Variants in MYCBP2 observed in about 807,000 individuals in gnomAD.
The protein encoded by MYCBP2 is E3 ubiquitin-protein ligase MYCBP2.
MYCBP2 carries 120 observed loss-of-function variants against 525.3 expected under a neutral mutation model. The observed-to-expected ratio is 0.23, with a 90% CI of 0.20 to 0.27. MYCBP2 has a LOEUF of 0.27. Among genes scored for constraint, MYCBP2 ranks in the 10% least tolerant of loss-of-function variants. The pLI is 1.00. For missense variants in MYCBP2, 4,149 were observed against 5,657.1 expected (o/e 0.73, Z 8.55); for synonymous variants, 1,894 against 1,955.8 (o/e 0.97, Z 0.83).
In MYCBP2 at chr13:77,181,554, C is replaced by T. The variant is rs2060221005; in HGVS notation, c.4941+147G>A. On this transcript the variant is annotated intron_variant, in intron 33 of 82. Transcript: ENST00000544440. ...TTAAAATAATCATTTTGTAAATATA[C>T]TTAAAAATAGAGAAGAATAAGCACC... 8.3e-6 allele frequency: 4 copies of T among 481,592 alleles called. No homozygotes were observed. In the South Asian group the frequency reaches 1.6e-4, roughly 19 times the overall value. The allele number at this position is 481,592 out of a possible 1,614,324, so 29.8% of individuals were successfully genotyped here.
intron 80 of MYCBP2, among the ~76,000 whole-genome samples, chr13:77,052,334 G>C (rs1223228222): frequency 6.6e-6 from 1 of 152,120 alleles, no homozygotes; most frequent in Non-Finnish European, 1.5e-5. Flanking sequence ...GAGTGGCTAG[G>C]ATCATAGGTG....
At chr13:77,122,297 A>G (rs2050854782) in intron 54 of MYCBP2, among the ~76,000 whole-genome samples, 1 of 152,202 alleles carries the variant, frequency 6.6e-6, no homozygotes, top group South Asian at 2.1e-4. Flanking sequence ...TGGGGGGAAA[A>G]GGTATTTATT....
At chr13:77,165,533 G>A (rs576183330) in intron 41 of MYCBP2, 142 bp from the exon 42 acceptor site, 13 of 601,128 alleles carry the variant, frequency 2.2e-5, no homozygotes, top group Admixed American at 7.0e-5. Context: ...ATAGACTTGC[G>A]GCGGGGAGCG....
chr13:77,200,024 G>T (rs944923703), intron 26 of MYCBP2, among the ~76,000 whole-genome samples: 3 of 152,198 alleles, frequency 2.0e-5, no homozygotes, highest in African/African-American at 7.2e-5. Context: ...CACCAGCAAC[G>T]GAACAAAGCT....
intron 55 of MYCBP2, among the ~76,000 whole-genome samples, chr13:77,119,414 C>T (rs912647414): frequency 5.3e-5 from 8 of 151,828 alleles, no homozygotes; most frequent in South Asian, 2.1e-4. Flanking sequence ...AGTACCTACA[C>T]GGGATAGATT....
Position 77,189,581 on chromosome 13 carries a change from A to AT in MYCBP2, c.4155-535dup, listed in dbSNP as rs1420288432. Among the ~76,000 whole-genome samples the AT allele has an allele frequency of 2.6e-5, 4 of 152,120 alleles. No homozygotes were observed. In the East Asian group the frequency reaches 7.7e-4, roughly 29 times the overall value. On this transcript the variant is annotated intron_variant, in intron 29 of 82. Transcript: ENST00000544440. Reference sequence around the variant, plus strand: ...TCACAGTTCTAGACCATTTCCTTTGATTTTTTACTGCTTAACGAATGACAA... The same window carrying AT: ...TCACAGTTCTAGACCATTTCCTTTGATTTTTTTACTGCTTAACGAATGACAA...
chr13:77,199,646 G>A (rs1157593686), intron 26 of MYCBP2, among the ~76,000 whole-genome samples: 2 of 152,220 alleles, frequency 1.3e-5, no homozygotes, highest in East Asian at 1.9e-4. Context: ...GTCCCTGTCT[G>A]ACAGCTTTGA....
At chr13:77,149,112 T>G (rs1025860483) in intron 47 of MYCBP2, among the ~76,000 whole-genome samples, 11 of 152,142 alleles carry the variant, frequency 7.2e-5, no homozygotes, top group African/African-American at 2.4e-4. Flanking sequence ...TTCACTCAAT[T>G]CCATTTCCTC....
In MYCBP2 at chr13:77,059,575, C is replaced by A; in HGVS notation, c.13088G>T (p.Ser4363Ile). The A allele has an allele frequency of 6.2e-7, 1 of 1,614,106 alleles. No homozygotes were observed. Among genetic ancestry groups the A allele is most frequent in the Non-Finnish European group, 8.5e-7 (1 of 1,179,990 alleles). Residue 4363 changes from serine (S) to isoleucine (I), a missense_variant, in exon 77 of 83, where the codon AGT (serine) becomes ATT (isoleucine). Coordinates refer to ENST00000544440, the MANE Select transcript of MYCBP2 (RefSeq NM_015057.5). ...SEACRFCGSR[S>I]GTELSAVGSV... ...GCCAACAGCAGATAACTCTGTTCCA[C>A]TCCTGGAACCACAGAAGCGACATGC...
chr13:77,241,433 C>T (rs1219706002), intron 17 of MYCBP2, among the ~76,000 whole-genome samples: 1 of 151,910 alleles, frequency 6.6e-6, no homozygotes, highest in Non-Finnish European at 1.5e-5. Context: ...TCATTCATGT[C>T]GCTCAACCTA....
At chr13:77,252,820 T>C (rs1337120965) in intron 14 of MYCBP2, among the ~76,000 whole-genome samples, 1 of 152,132 alleles carries the variant, frequency 6.6e-6, no homozygotes, top group Non-Finnish European at 1.5e-5. Flanking sequence ...GAAGCCTCAG[T>C]GACTATTTTC....
chr13:77,230,529 T>C lies in MYCBP2; in HGVS notation c.2737+2627A>G, dbSNP rs534620291. Among the ~76,000 whole-genome samples the C allele has an allele frequency of 3.9e-5, 6 of 152,346 alleles. No homozygotes were observed. The South Asian group carries it at 1.0e-3, about 26-fold the overall frequency. On this transcript the variant is annotated intron_variant, in intron 18 of 82. Coordinates refer to ENST00000544440, the MANE Select transcript of MYCBP2 (RefSeq NM_015057.5). Reference sequence around the variant, plus strand: ...GTTCAAATTTTGGAATATTTGCATATACATTATGAGATATCTTGGGGATGG... The same window carrying C: ...GTTCAAATTTTGGAATATTTGCATACACATTATGAGATATCTTGGGGATGG...
intron 48 of MYCBP2, 50 bp downstream of exon 48, chr13:77,146,112 A>G (rs2055502274): frequency 8.2e-7 from 1 of 1,216,192 alleles, no homozygotes. Context: ...TTTAGTTGCA[A>G]GCAGCTGACA....
At chr13:77,272,217 C>G (rs2074996442) in intron 5 of MYCBP2, 1 of 152,194 alleles carries the variant, frequency 6.6e-6, no homozygotes, top group African/African-American at 2.4e-5. Context: ...CACTCTTACT[C>G]TCACCTCCAT....
chr13:77,249,937 T>C (rs573659753), intron 15 of MYCBP2, among the ~76,000 whole-genome samples: 3 of 152,148 alleles, frequency 2.0e-5, no homozygotes, highest in Non-Finnish European at 4.4e-5. Flanking sequence ...TTTTTAAAAG[T>C]TCATGGCCGG....
chr13:77,295,356 C>T (rs771601083), intron 2 of MYCBP2, among the ~76,000 whole-genome samples: 2 of 152,000 alleles, frequency 1.3e-5, no homozygotes, highest in African/African-American at 2.4e-5. Flanking sequence ...ATGGTCTCGA[C>T]CTCTTGACCT....
In MYCBP2 at chr13:77,261,293, G is replaced by T. The variant is rs761833740; in HGVS notation, c.1730C>A (p.Thr577Lys). The change falls in exon 12 of 83, where the codon ACA becomes AAA. Residue 577 changes from threonine (T) to lysine (K), a missense_variant. Physicochemically the swap from Thr to Lys is moderately conservative, Grantham distance 78. This residue lies in a region of MYCBP2 where 262 missense variants were observed against 419.3 expected (regional missense o/e 0.62). Transcript: ENST00000544440. Reference sequence around the variant, plus strand: ...GAAGTGTACTATCTTTGGAGATTTTGTAATTGGTAGCTCAACCCATTTTCC... The same window carrying T: ...GAAGTGTACTATCTTTGGAGATTTTTTAATTGGTAGCTCAACCCATTTTCC... Reference protein sequence around the residue: ...SAGKWVELPITKSPKIVHFSV... With the variant: ...SAGKWVELPIKKSPKIVHFSV... 6.2e-7 allele frequency: 1 copy of T among 1,613,154 alleles called. No homozygotes were observed. The highest frequency in any genetic ancestry group is 1.1e-5 in the South Asian group (1 of 91,050).
At chr13:77,068,408 T>TAAAAAAAAAAAAAAAAAAAAAAAA (rs57296816) in intron 70 of MYCBP2, among the ~76,000 whole-genome samples, 157 bp downstream of exon 70, 1 of 146,000 alleles carries the variant, frequency 6.8e-6, no homozygotes, top group African/African-American at 2.6e-5. Context: ...CTATAAACAG[T>TAAAAAAAAAAAAAAAAAAAAAAAA]AAAAAAGGGA....
chr13:77,070,573 A>AACACACACACAC (rs60371737), intron 69 of MYCBP2, 58 bp downstream of exon 69: 1 of 1,079,412 alleles, frequency 9.3e-7, no homozygotes, highest in Non-Finnish European at 1.4e-6. Context: ...CAAACAAACA[A>AACACACACACAC]ACACACACAC....
Sources: allele counts gnomAD v4.1 joint callset (sites outside exome capture counted in the v4.1 genomes callset), GRCh38; gene constraint gnomAD v4.1.1; regional missense constraint gnomAD v4.1.1; transcripts MANE v1.5; gene names NCBI Gene and HGNC (gene_info 2026-07-23, HGNC 2026-07-21).